The following VTI1A variants were observed in gnomAD, a reference collection of about 807,000 sequenced individuals.
VTI1A encodes vesicle transport through interaction with t-SNAREs homolog 1A.
VTI1A carries 22 observed loss-of-function variants against 34.9 expected under a neutral mutation model. The ratio of observed to expected loss-of-function variants is 0.63; its 90% CI spans 0.45 to 0.90. VTI1A has a LOEUF of 0.90. VTI1A is among the 40% of genes least tolerant of loss of function. The pLI is 0.00. For missense variants in VTI1A, 268 were observed against 275.6 expected, an observed-to-expected ratio of 0.97 and a Z score of 0.20; for synonymous variants, 87 against 97.3, an observed-to-expected ratio of 0.89 and a Z score of 0.62.
At chr10:112,657,320 T>C (rs1296072555) in intron 5 of VTI1A, among the ~76,000 whole-genome samples, 1 of 152,228 alleles carries the variant, frequency 6.6e-6, no homozygotes, top group East Asian at 1.9e-4. Context: ...TTATTCAGTA[T>C]ATCTATACTT....
intron 5 of VTI1A, among the ~76,000 whole-genome samples, chr10:112,595,212 A>G (rs2134447972): frequency 7.1e-6 from 1 of 140,338 alleles, no homozygotes; most frequent in East Asian, 2.0e-4. Flanking sequence ...AAAACCCTAG[A>G]AGAAAACCTA....
intron 7 of VTI1A, among the ~76,000 whole-genome samples, chr10:112,710,803 C>CTG (rs150496095): frequency 1.1e-4 from 16 of 150,832 alleles, no homozygotes; most frequent in East Asian, 9.7e-4. Flanking sequence ...CCATGTGTAT[C>CTG]TGTGTGTGTG....
intron 3 of VTI1A, among the ~76,000 whole-genome samples, chr10:112,501,459 A>T (rs562443828): frequency 6.6e-6 from 1 of 152,190 alleles, no homozygotes; most frequent in Non-Finnish European, 1.5e-5. Context: ...TTCTTAAAAG[A>T]TATTTACAAA....
chr10:112,678,166 T>C (rs1443627389), intron 7 of VTI1A, among the ~76,000 whole-genome samples: 2 of 152,242 alleles, frequency 1.3e-5, no homozygotes, highest in African/African-American at 4.8e-5. Flanking sequence ...TTATCTTTTT[T>C]CTTGATTGTG....
rs1458016849 is a variant in VTI1A, at chr10:112,579,790, G to A, written c.427+41460G>A. On this transcript the variant is annotated intron_variant, in intron 5 of 7. Coordinates refer to ENST00000393077, the MANE Select transcript of VTI1A (RefSeq NM_145206.4). ...GAAAAGAGAAAGTGGGAGAAAGTAA[G>A]TGAAGAGAATTTGCAGATAACTCTG... Among the ~76,000 whole-genome samples, 3 of 152,196 alleles carry A rather than the reference G, an allele frequency of 2.0e-5. No individual in the cohort carries two copies. The South Asian group carries it at 6.2e-4, about 31-fold the overall frequency.
At chr10:112,839,548 G>A in the VTI1A span, among the ~76,000 whole-genome samples, 1 of 140,578 alleles carries the variant, frequency 7.1e-6, no homozygotes, top group African/African-American at 2.6e-5. Context: ...GTTGGGGGGA[G>A]CATAGATGAA....
chr10:112,789,441 G>A (rs1003082135), intron 7 of VTI1A, among the ~76,000 whole-genome samples: 1 of 152,124 alleles, frequency 6.6e-6, no homozygotes, highest in Non-Finnish European at 1.5e-5. Context: ...GCCTGTGCAT[G>A]ATGAGTCATT....
chr10:112,829,580 G>A, the VTI1A span, among the ~76,000 whole-genome samples: 8 of 151,952 alleles, frequency 5.3e-5, no homozygotes, highest in South Asian at 8.3e-4. Flanking sequence ...GTGAAATCCC[G>A]TCTCTGCTAA....
chr10:112,592,672 T>C (rs572743766), intron 5 of VTI1A, among the ~76,000 whole-genome samples: 1 of 152,370 alleles, frequency 6.6e-6, no homozygotes, highest in East Asian at 1.9e-4. Context: ...ATTCTATAAA[T>C]GTTGCATTTG....
chr10:112,562,864 G>A (rs1038044434), intron 5 of VTI1A, among the ~76,000 whole-genome samples: 18 of 151,968 alleles, frequency 1.2e-4, no homozygotes, highest in African/African-American at 4.4e-4. Flanking sequence ...GTGTCTTATC[G>A]CTGAGAGGAA....
chr10:112,513,474 A>G (rs1360705581), intron 3 of VTI1A, among the ~76,000 whole-genome samples: 2 of 152,024 alleles, frequency 1.3e-5, no homozygotes, highest in African/African-American at 4.8e-5. Flanking sequence ...AGGTTATGTC[A>G]TCAGTAAATA....
intron 5 of VTI1A, among the ~76,000 whole-genome samples, chr10:112,579,314 G>A (rs1214692025): frequency 6.6e-6 from 1 of 152,146 alleles, no homozygotes; most frequent in Admixed American, 6.5e-5. Context: ...GTCAAAAAGA[G>A]CTCATTGAAT....
chr10:112,563,220 C>G (rs1851787054), intron 5 of VTI1A, among the ~76,000 whole-genome samples: 1 of 152,188 alleles, frequency 6.6e-6, no homozygotes, highest in Non-Finnish European at 1.5e-5. Context: ...TAGAGGGTCA[C>G]TGGCAACAGT....
intron 7 of VTI1A, among the ~76,000 whole-genome samples, chr10:112,704,952 A>C (rs1849142079): frequency 6.6e-6 from 1 of 152,160 alleles, no homozygotes; most frequent in Non-Finnish European, 1.5e-5. Flanking sequence ...GCAGTGGCAC[A>C]ATCATAGCTC....
chr10:112,560,708 T>C (rs1414969631), intron 5 of VTI1A, among the ~76,000 whole-genome samples: 1 of 151,132 alleles, frequency 6.6e-6, no homozygotes, highest in East Asian at 2.0e-4. Context: ...GTGATTCTCC[T>C]GCCTCAGCCT....
intron 5 of VTI1A, among the ~76,000 whole-genome samples, chr10:112,550,965 C>T (rs1016066656): frequency 2.0e-5 from 3 of 152,192 alleles, no homozygotes; most frequent in Middle Eastern, 3.4e-3. Context: ...CCTTCACGGC[C>T]GGGCGCGGTG....
At chr10:112,813,666 T>A (rs575172426) in intron 7 of VTI1A, among the ~76,000 whole-genome samples, 1 of 152,210 alleles carries the variant, frequency 6.6e-6, no homozygotes, top group South Asian at 2.1e-4. Flanking sequence ...TGAAGTCCTG[T>A]TTTTATTTAT....
intron 5 of VTI1A, among the ~76,000 whole-genome samples, chr10:112,556,801 G>C (rs776958285): frequency 2.6e-5 from 4 of 151,912 alleles, no homozygotes; most frequent in African/African-American, 2.4e-5. Context: ...AGACCAAAAG[G>C]CCTGTAGAAA....
chr10:112,652,866 C>T (rs774544100), intron 5 of VTI1A, among the ~76,000 whole-genome samples: 5 of 152,206 alleles, frequency 3.3e-5, no homozygotes, highest in Non-Finnish European at 5.9e-5. Flanking sequence ...GCTTTTCTTT[C>T]GTTGAAGTAG....
Sources: gnomAD v4.1 joint callset for allele counts (sites outside exome capture counted in the v4.1 genomes callset) on GRCh38, gnomAD v4.1.1 for gene constraint, MANE v1.5 for transcripts, NCBI Gene and HGNC (gene_info 2026-07-23, HGNC 2026-07-21) for gene names.